ST6GALNAC3: variants seen among roughly 807,000 people sequenced by gnomAD.
ST6GALNAC3 encodes the protein ST6 N-acetylgalactosaminide alpha-2,6-sialyltransferase 3.
Under a neutral mutation model 32.7 loss-of-function variants are expected in ST6GALNAC3, and 25 were observed. The ratio of observed to expected loss-of-function variants is 0.76; its 90% confidence interval spans 0.56 to 1.07. ST6GALNAC3 has a LOEUF of 1.07. ST6GALNAC3 is among the 50% of genes least tolerant of loss of function. ST6GALNAC3 has a pLI of 0.00. For synonymous variants in ST6GALNAC3, 129 were observed against 133.1 expected, an observed-to-expected ratio of 0.97 and a Z score of 0.21; for missense variants, 355 against 382.4, an observed-to-expected ratio of 0.93 and a Z score of 0.60.
intron 3 of ST6GALNAC3, among the ~76,000 whole-genome samples, chr1:76,448,979 T>A (rs1657187334): frequency 2.0e-5 from 3 of 152,030 alleles, no homozygotes; most frequent in Admixed American, 2.0e-4. Flanking sequence ...TGTGGCACCA[T>A]GCTTGGCTAA....
At chr1:76,227,440 C>G (rs1187657447) in intron 1 of ST6GALNAC3, among the ~76,000 whole-genome samples, 3 of 152,164 alleles carry the variant, frequency 2.0e-5, no homozygotes, top group African/African-American at 7.2e-5. Context: ...GACAGTGAAG[C>G]ACTTGAGGGC....
At chr1:76,393,031 A>G (rs1652684740) in intron 2 of ST6GALNAC3, among the ~76,000 whole-genome samples, 1 of 152,228 alleles carries the variant, frequency 6.6e-6, no homozygotes. Flanking sequence ...CTGGTTATCC[A>G]TAATATCCCC....
chr1:76,293,642 T>C (rs1660221630), intron 1 of ST6GALNAC3, among the ~76,000 whole-genome samples: 1 of 152,186 alleles, frequency 6.6e-6, no homozygotes, highest in Non-Finnish European at 1.5e-5. Flanking sequence ...GCAAGAAACA[T>C]TTAAACATCT....
intron 1 of ST6GALNAC3, among the ~76,000 whole-genome samples, chr1:76,145,476 TG>T (rs557953735): frequency 1.8e-4 from 27 of 152,230 alleles, no homozygotes; most frequent in Non-Finnish European, 3.7e-4. Flanking sequence ...TGACTCAATC[TG>T]AATCTTGACA....
At chr1:76,082,280 C>G (rs923018844) in intron 1 of ST6GALNAC3, among the ~76,000 whole-genome samples, 1 of 152,162 alleles carries the variant, frequency 6.6e-6, no homozygotes, top group African/African-American at 2.4e-5. Flanking sequence ...TACCTGGATC[C>G]CATTACCAAA....
At chr1:76,416,627 G>GTTTTTT (rs758529243) in intron 3 of ST6GALNAC3, among the ~76,000 whole-genome samples, 40 of 113,456 alleles carry the variant, frequency 3.5e-4, no homozygotes, top group Non-Finnish European at 4.0e-4. Context: ...TGTGGGTTTT[G>GTTTTTT]TTTTTTTTTT....
chr1:76,271,712 C>T (rs1054465998), intron 1 of ST6GALNAC3, among the ~76,000 whole-genome samples: 1 of 152,154 alleles, frequency 6.6e-6, no homozygotes, highest in Non-Finnish European at 1.5e-5. Flanking sequence ...TTTATTTATG[C>T]TTTAGAAAGA....
chr1:76,528,493 G>A (rs1389886408), intron 3 of ST6GALNAC3, among the ~76,000 whole-genome samples: 1 of 152,158 alleles, frequency 6.6e-6, no homozygotes, highest in Admixed American at 6.6e-5. Context: ...AGAAGGATAA[G>A]CTAATGCTAG....
intron 1 of ST6GALNAC3, among the ~76,000 whole-genome samples, chr1:76,206,611 C>T (rs1654838673): frequency 6.6e-6 from 1 of 152,008 alleles, no homozygotes; most frequent in Non-Finnish European, 1.5e-5. Flanking sequence ...GCCTGTAGTC[C>T]CAGCTACTCG....
At position 76,634,247 on chromosome 1, in the gene ST6GALNAC3, T is replaced by A; in HGVS notation, c.*5441T>A. The stretch of plus-strand genomic sequence containing the variant: ...CAACTACCAAGTTCACATATTTGCC[T>A]ATGAAGTGAGAGCTATTTCTAAGAA... On this transcript the variant is annotated 3_prime_UTR_variant, in exon 5 of 5. Transcript: ENST00000328299. 3.6e-6 allele frequency: 3 copies of A among 824,548 alleles called. No individual in the cohort carries two copies. The highest frequency in any genetic ancestry group is 4.4e-6 in the Non-Finnish European group (3 of 683,232). The allele number at this position is 824,548 out of a possible 1,614,324, so 51.1% of individuals were successfully genotyped here. A position where few individuals can be genotyped will look rare whatever the true frequency, so the allele number is the denominator to read the frequency against.
At chr1:76,343,829 A>T (rs968999121) in intron 2 of ST6GALNAC3, among the ~76,000 whole-genome samples, 23 of 152,228 alleles carry the variant, frequency 1.5e-4, no homozygotes, top group Non-Finnish European at 3.4e-4. Flanking sequence ...CTTCCATTAT[A>T]TGATAAACAT....
At chr1:76,546,848 C>T (rs182291319) in intron 3 of ST6GALNAC3, among the ~76,000 whole-genome samples, 4 of 152,310 alleles carry the variant, frequency 2.6e-5, no homozygotes, top group East Asian at 1.9e-4. Flanking sequence ...TGGCACCACA[C>T]GTTGTGTTCC....
At chr1:76,085,337 G>A (rs1032393797) in intron 1 of ST6GALNAC3, among the ~76,000 whole-genome samples, 6 of 152,172 alleles carry the variant, frequency 3.9e-5, no homozygotes, top group Non-Finnish European at 8.8e-5. Context: ...CTAGGCTGTT[G>A]AGTTCTTTCA....
intron 2 of ST6GALNAC3, among the ~76,000 whole-genome samples, chr1:76,367,029 G>A (rs573141637): frequency 1.1e-3 from 160 of 152,214 alleles, no homozygotes; most frequent in Non-Finnish European, 1.9e-3. Flanking sequence ...GCAAAATCTG[G>A]ACAAAGAAAG....
chr1:76,320,275 G>A (rs1646941413), intron 2 of ST6GALNAC3, among the ~76,000 whole-genome samples: 1 of 152,190 alleles, frequency 6.6e-6, no homozygotes, highest in African/African-American at 2.4e-5. Flanking sequence ...TATATGGAAA[G>A]CTACAGTAAA....
intron 3 of ST6GALNAC3, among the ~76,000 whole-genome samples, chr1:76,569,616 C>T (rs994937553): frequency 2.0e-5 from 3 of 152,024 alleles, no homozygotes; most frequent in Non-Finnish European, 2.9e-5. Context: ...GAAAATAACA[C>T]GCCCCCAGTA....
At chr1:76,525,771 T>TTGTGTGTG (rs1167452856) in intron 3 of ST6GALNAC3, among the ~76,000 whole-genome samples, 3 of 93,138 alleles carry the variant, frequency 3.2e-5, no homozygotes, top group Middle Eastern at 5.2e-3. Context: ...GTATGTGTGT[T>TTGTGTGTG]TGTGTGTGTG....
intron 1 of ST6GALNAC3, among the ~76,000 whole-genome samples, chr1:76,235,811 G>A (rs1656623057): frequency 6.7e-6 from 1 of 149,336 alleles, no homozygotes; most frequent in African/African-American, 2.5e-5. Context: ...CAGGGCTCCT[G>A]GCTGTGTGCT....
chr1:76,406,904 A>G (rs1653874159), intron 2 of ST6GALNAC3, among the ~76,000 whole-genome samples: 1 of 152,006 alleles, frequency 6.6e-6, no homozygotes, highest in South Asian at 2.1e-4. Context: ...AAAATCTGCC[A>G]TGAAAATTAT....
Sources: gnomAD v4.1 joint callset for allele counts (sites outside exome capture counted in the v4.1 genomes callset) on GRCh38, gnomAD v4.1.1 for gene constraint, MANE v1.5 for transcripts, NCBI Gene and HGNC (gene_info 2026-07-23, HGNC 2026-07-21) for gene names.